The following CLEC4M variants were observed in gnomAD, a reference collection of about 807,000 sequenced individuals.
CLEC4M encodes the protein CD209 antigen-like protein 1.
A neutral mutation model predicts 39.1 loss-of-function variants in CLEC4M; 25 were observed. The observed-to-expected ratio is 0.64, with a 90% CI of 0.47 to 0.89. CLEC4M has a LOEUF of 0.89. Among genes scored for constraint, CLEC4M ranks in the 40% least tolerant of loss-of-function variants. CLEC4M has a pLI of 0.00. For synonymous variants in CLEC4M, 155 were observed against 177.4 expected (o/e 0.87, Z 1.00); for missense variants, 353 against 431.4 (o/e 0.82, Z 1.61).
At chr19:7,764,771 G>A (rs1191902717) in intron 2 of CLEC4M, among the ~76,000 whole-genome samples, 3 of 152,216 alleles carry the variant, frequency 2.0e-5, no homozygotes, top group African/African-American at 7.2e-5. Flanking sequence ...GATTACAAGT[G>A]TGAGCCACCA....
intron 5 of CLEC4M, 127 bp from the exon 6 acceptor site, chr19:7,767,389 C>A (rs1235133811): frequency 1.3e-5 from 9 of 673,274 alleles, no homozygotes; most frequent in Non-Finnish European, 1.8e-5. Context: ...CATGAGGAGG[C>A]TCAGGACCTG....
chr19:7,765,717 T>A lies in CLEC4M; in HGVS notation c.294T>A (p.Ala98=). 1 of 1,614,246 alleles carries A rather than the reference T, an allele frequency of 6.2e-7. No individual in the cohort carries two copies. Among genetic ancestry groups the A allele is most frequent in the Middle Eastern group, 1.6e-4 (1 of 6,062 alleles). Residue 98 remains alanine, a synonymous_variant, in exon 4 of 7, where the codon GCT becomes GCA. Transcript: ENST00000327325. ...ACCAGAACCTGACCCAGCTTAAAGC[T>A]GCAGTGGGTGAGCTCTCAGAGAAAT... ...AIYQNLTQLK[A]AVGELSEKSK...
intron 2 of CLEC4M, 137 bp from the exon 3 acceptor site, chr19:7,765,048 G>A (rs934015198): frequency 3.6e-5 from 31 of 852,674 alleles, no homozygotes; most frequent in Non-Finnish European, 5.4e-5. Context: ...GCTAGGGCCT[G>A]GATTCCCAGG....
Position 7,766,044 on chromosome 19 carries a change from G to A in CLEC4M, c.621G>A (p.Glu207=), listed in dbSNP as rs12974835. ...CCAAGCTGCAGGAGATCTACCAGGA[G>A]CTGACGGAGCTGAAGGCTGCAGTGG... is the stretch of plus-strand genomic sequence containing the variant. The part of the protein sequence containing the change: ...EKSKLQEIYQ[E]LTELKAAVGE... The change falls in exon 4 of 7, where the codon GAG becomes GAA. Residue 207 remains glutamate, a synonymous_variant. Coordinates refer to ENST00000327325, the MANE Select transcript of CLEC4M (RefSeq NM_014257.5). The A allele has an allele frequency of 1.5e-4, 218 of 1,477,810 alleles. 37 individuals carry two copies. Among genetic ancestry groups the A allele is most frequent in the Non-Finnish European group, 1.5e-5 (16 of 1,076,930 alleles). 91.5% of individuals were successfully genotyped at this position (1,477,810 alleles called of 1,614,324 possible). A position where few individuals can be genotyped will look rare whatever the true frequency, so the allele number is the denominator to read the frequency against.
chr19:7,768,536 C>A lies in CLEC4M; in HGVS notation c.1050-302C>A, dbSNP rs889115499. ...TTGCAGTGAGCCGCCAAGATCATGCCACTGCACTCCAGCCTGGCAACAGAG... is the reference window on the plus strand; with the variant it reads ...TTGCAGTGAGCCGCCAAGATCATGCAACTGCACTCCAGCCTGGCAACAGAG... On this transcript the variant is annotated intron_variant, in intron 6 of 6. Transcript: ENST00000327325. The A allele has an allele frequency of 7.4e-5, 16 of 216,416 alleles. No homozygotes were observed. In the East Asian group the frequency reaches 1.2e-3, roughly 17 times the overall value. 13.4% of individuals were successfully genotyped at this position (216,416 alleles called of 1,614,324 possible). A position where few individuals can be genotyped will look rare whatever the true frequency, so the allele number is the denominator to read the frequency against.
Position 7,765,155 on chromosome 19 carries a change from T to C in CLEC4M, c.131-30T>C, listed in dbSNP as rs751022549. 3.2e-5 allele frequency: 51 copies of C among 1,612,396 alleles called. No homozygotes were observed. In the Middle Eastern group the frequency reaches 9.9e-4, roughly 31 times the overall value. On this transcript the variant is annotated intron_variant, in intron 2 of 6. Coordinates refer to ENST00000327325, the MANE Select transcript of CLEC4M (RefSeq NM_014257.5). ...CTGGGCCAGGCTCAGGTGGGAACAC[T>C]GGCAGGCTGACGCATGTATCCTCTC...
intron 3 of CLEC4M, 131 bp downstream of exon 3, chr19:7,765,399 G>A (rs1300737165): frequency 8.5e-7 from 1 of 1,169,962 alleles, no homozygotes; most frequent in Non-Finnish European, 1.2e-6. Context: ...GGTCTGTAGG[G>A]GCCTCTCCCA....
chr19:7,768,718 G>A, intron 6 of CLEC4M, 120 bp from the exon 7 acceptor site: 1 of 1,165,940 alleles, frequency 8.6e-7, no homozygotes, highest in Non-Finnish European at 1.2e-6. Context: ...GGTGTGGAGA[G>A]CAATGCATGT....
rs1023502164 is a variant in CLEC4M, at chr19:7,766,671, A to T, written c.800A>T (p.His267Leu). Residue 267 changes from histidine to leucine, a missense_variant, in exon 5 of 7, where the codon CAC becomes CTC. Coordinates refer to ENST00000327325, the MANE Select transcript of CLEC4M (RefSeq NM_014257.5). ...LKTAFERLCR[H>L]CPKDWTFFQG... is the part of the protein sequence containing the mutation. ...CCCCCAACAGAACGCCTGTGCCGCC[A>T]CTGTCCCAAGGACTGGACATTCTTC... 3.1e-6 allele frequency: 5 copies of T among 1,614,110 alleles called. No homozygotes were observed. Among genetic ancestry groups the T allele is most frequent in the Non-Finnish European group, 4.2e-6 (5 of 1,180,038 alleles).
At position 7,769,218 on chromosome 19, in the gene CLEC4M, C is replaced by A; in HGVS notation, c.*230C>A. On this transcript the variant is annotated 3_prime_UTR_variant, in exon 7 of 7. Coordinates refer to ENST00000327325, the MANE Select transcript of CLEC4M (RefSeq NM_014257.5). ...CCCATCCTTGGAGCTTTATAAGTGA[C>A]CTGAGTGGGATGCATTTAGGGGGCG... is the stretch of plus-strand genomic sequence containing the variant. 1 of 449,058 alleles carries A rather than the reference C, an allele frequency of 2.2e-6. No individual in the cohort carries two copies. The highest frequency in any genetic ancestry group is 3.4e-5 in the Admixed American group (1 of 29,434). 27.8% of individuals were successfully genotyped at this position (449,058 alleles called of 1,614,324 possible). A position where few individuals can be genotyped will look rare whatever the true frequency, so the allele number is the denominator to read the frequency against.
intron 2 of CLEC4M, among the ~76,000 whole-genome samples, chr19:7,764,432 C>G (rs1255729865): frequency 6.6e-6 from 1 of 152,086 alleles, no homozygotes; most frequent in East Asian, 1.9e-4. Flanking sequence ...TAGCCACACA[C>G]AGAAAAACAG....
At chr19:7,765,355 A>G in intron 3 of CLEC4M, 87 bp downstream of exon 3, 1 of 1,474,764 alleles carries the variant, frequency 6.8e-7, no homozygotes, top group Non-Finnish European at 9.4e-7. Flanking sequence ...TCTGGGAGGG[A>G]GGTGGGACTG....
Position 7,766,660 on chromosome 19 carries a change from C to T in CLEC4M, c.789C>T (p.Arg263=), listed in dbSNP as rs763996747. Residue 263 remains arginine (R), a synonymous_variant, in exon 5 of 7, where the codon CGC becomes CGT. Coordinates refer to ENST00000327325, the MANE Select transcript of CLEC4M (RefSeq NM_014257.5). ...CTGACCAGCCTCCCCCAACAGAACG[C>T]CTGTGCCGCCACTGTCCCAAGGACT... is the stretch of plus-strand genomic sequence containing the variant. The part of the protein sequence containing the change: ...ELTDLKTAFE[R]LCRHCPKDWT... The T allele has an allele frequency of 6.2e-7, 1 of 1,614,218 alleles. No homozygotes were observed. Among genetic ancestry groups the T allele is most frequent in the Non-Finnish European group, 8.5e-7 (1 of 1,180,036 alleles).
intron 4 of CLEC4M, 37 bp downstream of exon 4, chr19:7,766,244 A>G: frequency 6.2e-7 from 1 of 1,611,962 alleles, no homozygotes; most frequent in South Asian, 1.1e-5. Context: ...TGGGCCTGAG[A>G]TGGTCTCTGT....
rs62623420 is a variant in CLEC4M, at chr19:7,763,391, A to G, written c.47-2A>G. 4.7e-3 allele frequency: 7,593 copies of G among 1,614,098 alleles called. 25 individuals carry two copies. The highest frequency in any genetic ancestry group is 6.0e-3 in the Non-Finnish European group (7,082 of 1,179,960). ...GCTCTGAGCTGATGTCTGTCAATTCAGAAGAAGATCCAACAACCAGTGGCA... is the reference window on the plus strand; with the variant it reads ...GCTCTGAGCTGATGTCTGTCAATTCGGAAGAAGATCCAACAACCAGTGGCA... On this transcript the variant is annotated splice_acceptor_variant, in intron 1 of 6. Transcript: ENST00000327325. LOFTEE classifies it high-confidence loss of function.
chr19:7,766,290 G>C, intron 4 of CLEC4M, 83 bp downstream of exon 4: 1 of 1,578,174 alleles, frequency 6.3e-7, no homozygotes. Context: ...AACCCTGCCT[G>C]AGCCTCAGTT....
At chr19:7,767,145 G>A in intron 5 of CLEC4M, 1 of 447,656 alleles carries the variant, frequency 2.2e-6, no homozygotes, top group Non-Finnish European at 4.1e-6. Context: ...TTCAAGCTGT[G>A]ATGTGCTGTC....
chr19:7,768,791 C>G, intron 6 of CLEC4M, 47 bp from the exon 7 acceptor site: 1 of 1,598,936 alleles, frequency 6.3e-7, no homozygotes. Flanking sequence ...GAGTGTGGCT[C>G]ATCTACTGGG....
Position 7,769,101 on chromosome 19 carries a change from C to T in CLEC4M, c.*113C>T, listed in dbSNP as rs112095323. On this transcript the variant is annotated 3_prime_UTR_variant, in exon 7 of 7. Transcript: ENST00000327325. Reference sequence around the variant, plus strand: ...CCTTCACAAATGCCCTGAGACGGTTCTCTGTTCGATTTTTCATCCCCTATG... The same window carrying T: ...CCTTCACAAATGCCCTGAGACGGTTTTCTGTTCGATTTTTCATCCCCTATG... The T allele has an allele frequency of 2.3e-5, 25 of 1,101,590 alleles. No homozygotes were observed. The African/African-American group carries it at 3.3e-4, about 14-fold the overall frequency. The allele number at this position is 1,101,590 out of a possible 1,614,324, so 68.2% of individuals were successfully genotyped here.
Sources: allele counts gnomAD v4.1 joint callset (sites outside exome capture counted in the v4.1 genomes callset), GRCh38; gene constraint gnomAD v4.1.1; transcripts MANE v1.5; gene names NCBI Gene and HGNC (gene_info 2026-07-23, HGNC 2026-07-21).